XPO7: variants seen among roughly 807,000 people sequenced by gnomAD.
XPO7 encodes the protein exportin-7.
Under a neutral mutation model 144.3 loss-of-function variants are expected in XPO7, and 21 were observed. That is an observed-to-expected ratio of 0.15 (90% CI 0.10 to 0.21). The LOEUF is 0.21. Among genes scored for constraint, XPO7 ranks in the 10% least tolerant of loss-of-function variants. The probability of loss-of-function intolerance (pLI) is 1.00; values close to 1 mark genes in which losing one functional copy is unlikely to be tolerated. For synonymous variants in XPO7, 580 were observed against 499.6 expected (o/e 1.16, Z -2.15); for missense variants, 808 against 1,325.8 (o/e 0.61, Z 6.06).
At chr8:21,997,007 C>T (rs1478392515) in intron 21 of XPO7, among the ~76,000 whole-genome samples, 3 of 152,200 alleles carry the variant, frequency 2.0e-5, no homozygotes, top group Admixed American at 6.5e-5. Context: ...GGGGTTTCTC[C>T]GTGTTGGTCA....
chr8:21,971,826 A>G, intron 4 of XPO7, 50 bp from the exon 5 acceptor site: 1 of 1,543,576 alleles, frequency 6.5e-7, no homozygotes, highest in Non-Finnish European at 8.9e-7. Context: ...CCAAATGCCA[A>G]AACCAAGCAC....
At chr8:21,961,004 C>A (rs1811709264) in intron 1 of XPO7, among the ~76,000 whole-genome samples, 2 of 152,064 alleles carry the variant, frequency 1.3e-5, no homozygotes, top group South Asian at 4.1e-4. Flanking sequence ...ATTAGAAATA[C>A]ACAAACTCAG....
At chr8:21,980,783 A>G (rs1046085760) in intron 9 of XPO7, among the ~76,000 whole-genome samples, 11 of 152,140 alleles carry the variant, frequency 7.2e-5, no homozygotes, top group Admixed American at 2.0e-4. Flanking sequence ...TCAAAAAAAA[A>G]AAAAAAACTA....
intron 14 of XPO7, 41 bp from the exon 15 acceptor site, chr8:21,987,743 G>A: frequency 6.2e-7 from 1 of 1,606,158 alleles, no homozygotes; most frequent in East Asian, 2.2e-5. Context: ...TGTGATTGTT[G>A]TAATTCATGT....
chr8:21,940,127 C>G (rs1192165049), intron 1 of XPO7, among the ~76,000 whole-genome samples: 1 of 152,064 alleles, frequency 6.6e-6, no homozygotes, highest in Non-Finnish European at 1.5e-5. Context: ...AGAGATTGAT[C>G]AAATATGTTT....
chr8:21,970,095 G>T (rs1272521253), intron 3 of XPO7, 49 bp from the exon 4 acceptor site: 1 of 1,574,698 alleles, frequency 6.4e-7, no homozygotes, highest in Non-Finnish European at 8.6e-7. Flanking sequence ...TTCTCTGGCA[G>T]AGCTTTCTAT....
intron 13 of XPO7, 74 bp from the exon 14 acceptor site, chr8:21,987,067 T>C: frequency 6.3e-7 from 1 of 1,598,744 alleles, no homozygotes; most frequent in South Asian, 1.1e-5. Context: ...TACGACCATG[T>C]CAAGATAGCT....
intron 25 of XPO7, chr8:22,002,918 G>T: frequency 4.5e-6 from 1 of 223,554 alleles, no homozygotes; most frequent in African/African-American, 2.3e-5. Context: ...AGGTGGTTTT[G>T]CTTACTGTAA....
At chr8:22,002,683 A>G (rs1813191983) in intron 25 of XPO7, among the ~76,000 whole-genome samples, 1 of 152,172 alleles carries the variant, frequency 6.6e-6, no homozygotes, top group African/African-American at 2.4e-5. Flanking sequence ...AGATCAAACC[A>G]TATGCTTGCC....
chr8:21,988,620 A>G, intron 15 of XPO7: 1 of 186,292 alleles, frequency 5.4e-6, no homozygotes, highest in South Asian at 1.1e-4. Context: ...ATCCAGAAGC[A>G]AGGGCTACTA....
chr8:21,966,710 T>C, intron 1 of XPO7, 147 bp from the exon 2 acceptor site: 3 of 1,089,006 alleles, frequency 2.8e-6, no homozygotes, highest in Non-Finnish European at 3.8e-6. Flanking sequence ...TAAATGGTTA[T>C]TAGGTGAATG....
At chr8:21,990,219 A>G (rs1812724450) in intron 16 of XPO7, 125 bp from the exon 17 acceptor site, 3 of 888,146 alleles carry the variant, frequency 3.4e-6, no homozygotes, top group South Asian at 3.1e-5. Flanking sequence ...TGGCAGTGGT[A>G]TACTCAAGTA....
At chr8:21,933,496 G>T (rs1290939663) in intron 1 of XPO7, among the ~76,000 whole-genome samples, 2 of 152,038 alleles carry the variant, frequency 1.3e-5, no homozygotes, top group African/African-American at 4.8e-5. Flanking sequence ...AGGCCTCAAG[G>T]CTATATATAT....
intron 1 of XPO7, among the ~76,000 whole-genome samples, chr8:21,952,723 G>A (rs897903167): frequency 2.0e-5 from 3 of 152,326 alleles, no homozygotes; most frequent in East Asian, 1.9e-4. Flanking sequence ...ATGAATGTCA[G>A]TGTTATAACG....
At chr8:22,000,515 C>G (rs577860719) in intron 24 of XPO7, among the ~76,000 whole-genome samples, 2 of 148,116 alleles carry the variant, frequency 1.4e-5, no homozygotes, top group African/African-American at 2.5e-5. Context: ...TGCAGTGGCG[C>G]GATCTCAGCT....
At chr8:21,969,600 G>C in intron 3 of XPO7, 24 bp downstream of exon 3, 1 of 1,592,308 alleles carries the variant, frequency 6.3e-7, no homozygotes, top group Non-Finnish European at 8.6e-7. Context: ...TTTCTGTTCT[G>C]TCTTGAAGAA....
chr8:21,972,264 G>A (rs1473255002), intron 5 of XPO7, among the ~76,000 whole-genome samples: 4 of 151,956 alleles, frequency 2.6e-5, no homozygotes, highest in Admixed American at 1.3e-4. Flanking sequence ...GATCACCTGA[G>A]GTCAGGAGAT....
chr8:21,988,689 T>C, intron 15 of XPO7: 1 of 320,226 alleles, frequency 3.1e-6, no homozygotes, highest in Non-Finnish European at 5.9e-6. Flanking sequence ...CTGCATGTTA[T>C]CACTGCCGCA....
intron 1 of XPO7, among the ~76,000 whole-genome samples, chr8:21,927,350 T>C (rs1161029379): frequency 1.3e-5 from 2 of 152,168 alleles, no homozygotes; most frequent in Non-Finnish European, 2.9e-5. Flanking sequence ...ATTCTACAGT[T>C]AGCCACACTC....
Sources: allele counts gnomAD v4.1 joint callset (sites outside exome capture counted in the v4.1 genomes callset), GRCh38; gene constraint gnomAD v4.1.1; transcripts MANE v1.5; gene names NCBI Gene and HGNC (gene_info 2026-07-23, HGNC 2026-07-21).